ZNF714: variants seen among roughly 807,000 people sequenced by gnomAD.
ZNF714 encodes zinc finger protein 714.
Under a neutral mutation model 46.2 loss-of-function variants are expected in ZNF714, and 32 were observed. The ratio of observed to expected loss-of-function variants is 0.69; its 90% CI spans 0.52 to 0.93. The LOEUF (loss-of-function observed/expected upper bound fraction) is 0.93, where lower values mean the gene tolerates loss of function less well. Ranked by LOEUF, ZNF714 falls within the 40% of genes least tolerant of loss-of-function variation. The probability of loss-of-function intolerance (pLI) is 0.00; values close to 1 mark genes in which losing one functional copy is unlikely to be tolerated. For missense variants in ZNF714, 635 were observed against 646.3 expected (o/e 0.98, Z 0.19); for synonymous variants, 199 against 213.1 (o/e 0.93, Z 0.58).
chr19:21,116,839 C>A lies in ZNF714; in HGVS notation c.175C>A (p.Pro59Thr), dbSNP rs1969606076. Residue 59 changes from proline to threonine, a missense_variant, in exon 5 of 5, where the codon CCA becomes ACA. Physicochemically the swap from Pro to Thr is conservative, Grantham distance 38. Transcript: ENST00000456283. ...TTCTTCTTTTACCAGAGACCTTTGG[C>A]CAGAGCAAGACATAAAAGATTCTTT... Reference protein sequence around the residue: ...MCSSFTRDLWPEQDIKDSFQQ... With the variant: ...MCSSFTRDLWTEQDIKDSFQQ... 2 of 1,606,672 alleles carry A rather than the reference C, an allele frequency of 1.2e-6. No individual in the cohort carries two copies. Among genetic ancestry groups the A allele is most frequent in the African/African-American group, 1.3e-5 (1 of 74,488 alleles).
rs1257775214 is a variant in ZNF714, at chr19:21,117,721, T to G, written c.1057T>G (p.Ser353Ala). The G allele has an allele frequency of 1.9e-6, 3 of 1,613,420 alleles. No homozygotes were observed. The highest frequency in any genetic ancestry group is 2.5e-6 in the Non-Finnish European group (3 of 1,179,794). Residue 353 changes from serine to alanine, a missense_variant, in exon 5 of 5, where the codon TCT (serine) becomes GCT (alanine). Transcript: ENST00000456283. The part of the protein sequence containing the change: ...CEECGKAFNV[S>A]SHLTTHKMIH... ...AGAATGTGGCAAAGCCTTTAATGTG[T>G]CTTCACACCTTACTACACATAAGAT...
At chr19:21,112,815 G>GTTTTTTTTTTTTTTTTTTTTTTTTTTT (rs1314785181) in intron 4 of ZNF714, among the ~76,000 whole-genome samples, 3 of 41,744 alleles carry the variant, frequency 7.2e-5, no homozygotes, top group Admixed American at 6.4e-4. Flanking sequence ...TTTTATTTCT[G>GTTTTTTTTTTTTTTTTTTTTTTTTTTT]ATTTTTTTTT....
chr19:21,101,109 G>A (rs1853941792), intron 4 of ZNF714, among the ~76,000 whole-genome samples: 1 of 152,024 alleles, frequency 6.6e-6, no homozygotes, highest in Admixed American at 6.6e-5. Flanking sequence ...AATTCCAATG[G>A]CTTTTTAAAA....
chr19:21,098,759 G>T, intron 3 of ZNF714, 53 bp from the exon 4 acceptor site: 1 of 1,270,842 alleles, frequency 7.9e-7, no homozygotes, highest in South Asian at 1.3e-5. Context: ...CACAGTACTA[G>T]GTTGGTAACT....
chr19:21,111,484 T>C lies in ZNF714; in HGVS notation c.143-5323T>C, dbSNP rs141880823. Among the ~76,000 whole-genome samples the C allele has an allele frequency of 7.4e-3, 1,131 of 152,252 alleles. 16 individuals are homozygous for C. Among genetic ancestry groups the C allele is most frequent in the African/African-American group, 0.023 (975 of 41,552 alleles). On this transcript the variant is annotated intron_variant, in intron 4 of 4. Coordinates refer to ENST00000456283, the MANE Select transcript of ZNF714 (RefSeq NM_182515.4). ...AGCTTTTGGGCTGAGACAATGGGGC[T>C]TTCTAGATCTAGGATCATGCTGTCT...
intron 1 of ZNF714, 35 bp downstream of exon 1, chr19:21,082,383 G>GA (rs1968671820): frequency 2.1e-6 from 3 of 1,456,544 alleles, no homozygotes; most frequent in East Asian, 3.4e-5. Flanking sequence ...CGAGAGAGGG[G>GA]AAGGGGCGGG....
In ZNF714 at chr19:21,117,275, A is replaced by T. The variant is rs752259096; in HGVS notation, c.611A>T (p.Glu204Val). The change falls in exon 5 of 5, where the codon GAA (glutamate) becomes GTA (valine). Residue 204 changes from glutamate (E) to valine (V), a missense_variant. By Grantham distance (121) the Glu-to-Val change is moderately radical (BLOSUM62 -2). Coordinates refer to ENST00000456283, the MANE Select transcript of ZNF714 (RefSeq NM_182515.4). ...ACTGGAGAGAAACCCTTCAAATGTGAAGAATGTGGCAAAGCTTTTAAGCAC... is the reference window on the plus strand; with the variant it reads ...ACTGGAGAGAAACCCTTCAAATGTGTAGAATGTGGCAAAGCTTTTAAGCAC... The part of the protein sequence containing the change: ...VHTGEKPFKC[E>V]ECGKAFKHSS... The T allele has an allele frequency of 6.2e-7, 1 of 1,613,992 alleles. No homozygotes were observed. The highest frequency in any genetic ancestry group is 1.7e-5 in the Admixed American group (1 of 60,022).
chr19:21,108,402 A>C (rs1029249374), intron 4 of ZNF714, among the ~76,000 whole-genome samples: 1 of 152,192 alleles, frequency 6.6e-6, no homozygotes, highest in Non-Finnish European at 1.5e-5. Context: ...CTCATGCTGC[A>C]GTGTAATCCT....
rs1234820475 is a variant in ZNF714, at chr19:21,092,880, G to T, written c.-84-5305G>T. Among the ~76,000 whole-genome samples the T allele has an allele frequency of 3.5e-5, 5 of 144,884 alleles. No homozygotes were observed. The Admixed American group carries it at 3.5e-4, about 10-fold the overall frequency. On this transcript the variant is annotated intron_variant, in intron 2 of 4. Coordinates refer to ENST00000456283, the MANE Select transcript of ZNF714 (RefSeq NM_182515.4). Reference sequence around the variant, plus strand: ...CCTAAGGATAATGGTCTCCAGTGTCGTCTATGTTGCTGCAAATAACTTAAA... The same window carrying T: ...CCTAAGGATAATGGTCTCCAGTGTCTTCTATGTTGCTGCAAATAACTTAAA...
rs1263286237 is a variant in ZNF714 at position 21,124,507 on chromosome 19, C to G, written c.*6175C>G. Among the ~76,000 whole-genome samples the G allele has an allele frequency of 6.6e-6, 1 of 152,078 alleles. No individual in the cohort carries two copies. Among genetic ancestry groups the G allele is most frequent in the Admixed American group, 6.6e-5 (1 of 15,256 alleles). The stretch of plus-strand genomic sequence containing the variant: ...TTTATGTCTTAAAAATATTTTCTTT[C>G]AACTTGAGAAAATGTGTGCTTTTTC... On this transcript the variant is annotated 3_prime_UTR_variant, in exon 5 of 5. Coordinates refer to ENST00000456283, the MANE Select transcript of ZNF714 (RefSeq NM_182515.4).
chr19:21,098,287 AACT>A lies in ZNF714; in HGVS notation c.22_24del (p.Tyr8del). ...TTTATATATGAATGTGATGTTAGAG[AACT>A]ACAAAAACCTGGTCTTCTTGGGTGA... On this transcript the variant is annotated inframe_deletion, in exon 3 of 5. Coordinates refer to ENST00000456283, the MANE Select transcript of ZNF714 (RefSeq NM_182515.4). The A allele has an allele frequency of 6.2e-7, 1 of 1,613,138 alleles. No homozygotes were observed. The highest frequency in any genetic ancestry group is 8.5e-7 in the Non-Finnish European group (1 of 1,179,792).
intron 4 of ZNF714, among the ~76,000 whole-genome samples, chr19:21,099,475 C>G (rs1422018824): frequency 6.7e-6 from 1 of 148,598 alleles, no homozygotes; most frequent in Admixed American, 6.8e-5. Flanking sequence ...CCACCGTGCC[C>G]AGCTGGAAAA....
chr19:21,113,278 TCAGTAG>T (rs1969504072), intron 4 of ZNF714: 1 of 152,144 alleles, frequency 6.6e-6, no homozygotes, highest in Non-Finnish European at 1.5e-5. Flanking sequence ...CAGAAGTCAT[TCAGTAG>T]CAGGTTGCTC....
chr19:21,084,017 AG>A lies in ZNF714; in HGVS notation c.-136del. 4.0e-6 allele frequency: 5 copies of A among 1,261,438 alleles called. No homozygotes were observed. The highest frequency in any genetic ancestry group is 2.8e-5 in the South Asian group (2 of 71,144). The allele number at this position is 1,261,438 out of a possible 1,614,324, so 78.1% of individuals were successfully genotyped here. A position where few individuals can be genotyped will look rare whatever the true frequency, so the allele number is the denominator to read the frequency against. ...TGGAGTGTATCCTCTCAAGGGAGCA[AG>A]TGGATCCCTGGGGCAGAGAGGAAGC... On this transcript the variant is annotated 5_prime_UTR_variant, in exon 2 of 5. It adds an upstream start codon to the 5' untranslated region. Coordinates refer to ENST00000456283, the MANE Select transcript of ZNF714 (RefSeq NM_182515.4).
In ZNF714 at chr19:21,111,481, G is replaced by A. The variant is rs138743068; in HGVS notation, c.143-5326G>A. Among the ~76,000 whole-genome samples the A allele has an allele frequency of 2.8e-4, 43 of 152,124 alleles. No homozygotes were observed. The East Asian group carries it at 7.7e-3, about 27-fold the overall frequency. ...AGAAGCTTTTGGGCTGAGACAATGG[G>A]GCTTTCTAGATCTAGGATCATGCTG... On this transcript the variant is annotated intron_variant, in intron 4 of 4. Transcript: ENST00000456283.
At chr19:21,098,627 C>G (rs1288003607) in intron 3 of ZNF714, among the ~76,000 whole-genome samples, 185 bp from the exon 4 acceptor site, 1 of 151,944 alleles carries the variant, frequency 6.6e-6, no homozygotes, top group African/African-American at 2.4e-5. Flanking sequence ...TCATGAGTAC[C>G]AGGTAGTGAA....
chr19:21,095,697 G>A (rs1004688949), intron 2 of ZNF714, among the ~76,000 whole-genome samples: 1 of 151,526 alleles, frequency 6.6e-6, no homozygotes, highest in Non-Finnish European at 1.5e-5. Flanking sequence ...CTCATGATCC[G>A]CCCGCCTCAG....
chr19:21,114,447 A>AC (rs1414022487), intron 4 of ZNF714, among the ~76,000 whole-genome samples: 1 of 151,322 alleles, frequency 6.6e-6, no homozygotes, highest in Non-Finnish European at 1.5e-5. Context: ...AAAAAAAAAA[A>AC]AAAAGAAACT....
Position 21,123,232 on chromosome 19 carries a change from T to C in ZNF714, c.*4900T>C, listed in dbSNP as rs761631452. 4.6e-5 allele frequency: 7 copies of C among 152,076 alleles called. No homozygotes were observed. The highest frequency in any genetic ancestry group is 7.4e-5 in the Non-Finnish European group (5 of 68,006). The allele number at this position is 152,076 out of a possible 1,614,324, so 9.4% of individuals were successfully genotyped here. A position where few individuals can be genotyped will look rare whatever the true frequency, so the allele number is the denominator to read the frequency against. ...AAATTAGCATTGCATTTCTTTGTTT[T>C]TAAAAGAAAAATCTTATTAGATTCT... On this transcript the variant is annotated 3_prime_UTR_variant, in exon 5 of 5. Coordinates refer to ENST00000456283, the MANE Select transcript of ZNF714 (RefSeq NM_182515.4).
Sources: gnomAD v4.1 joint callset for allele counts (sites outside exome capture counted in the v4.1 genomes callset) on GRCh38, gnomAD v4.1.1 for gene constraint, MANE v1.5 for transcripts, NCBI Gene and HGNC (gene_info 2026-07-23, HGNC 2026-07-21) for gene names.